CEP112: variants seen among roughly 807,000 people sequenced by gnomAD.
CEP112 encodes centrosomal protein 112, also known as centrosomal protein of 112 kDa.
In CEP112, 127 loss-of-function variants were observed where a neutral mutation model predicts 153.0. The ratio of observed to expected loss-of-function variants is 0.83; its 90% CI spans 0.72 to 0.96. The LOEUF is 0.96. Among genes scored for constraint, CEP112 ranks in the 40% least tolerant of loss-of-function variants. CEP112 has a pLI of 0.00. For synonymous variants in CEP112, 358 were observed against 374.4 expected (o/e 0.96, Z 0.51); for missense variants, 1,089 against 1,101.2 (o/e 0.99, Z 0.16).
intron 4 of CEP112, among the ~76,000 whole-genome samples, chr17:66,135,937 G>A (rs1031424545): frequency 3.9e-5 from 6 of 152,128 alleles, no homozygotes; most frequent in Non-Finnish European, 7.4e-5. Context: ...AGGGGGTGAC[G>A]TCAGATGTCA....
intron 8 of CEP112, among the ~76,000 whole-genome samples, chr17:66,085,019 A>G (rs2067864970): frequency 6.6e-6 from 1 of 152,220 alleles, no homozygotes; most frequent in Non-Finnish European, 1.5e-5. Flanking sequence ...AAAAAGTAGC[A>G]CAAATCAAAA....
chr17:65,784,867 T>C (rs568703176), intron 21 of CEP112, among the ~76,000 whole-genome samples: 1 of 152,306 alleles, frequency 6.6e-6, no homozygotes, highest in East Asian at 1.9e-4. Context: ...CAGTGGTTTT[T>C]AGTATATTCA....
intron 19 of CEP112, among the ~76,000 whole-genome samples, chr17:65,923,811 A>G (rs7220318): frequency 0.038 from 5,764 of 152,218 alleles, 327 homozygotes; most frequent in African/African-American, 0.12. Context: ...TTTGAGACAC[A>G]TATGTTTTAA....
chr17:66,146,116 T>C (rs1042010472), intron 4 of CEP112, among the ~76,000 whole-genome samples: 4 of 152,062 alleles, frequency 2.6e-5, no homozygotes, highest in African/African-American at 9.7e-5. Flanking sequence ...AGCAGAGTAA[T>C]ACTGACCTAA....
intron 6 of CEP112, among the ~76,000 whole-genome samples, chr17:66,113,774 T>A (rs193018000): frequency 7.5e-4 from 115 of 152,354 alleles, no homozygotes; most frequent in African/African-American, 2.7e-3. Flanking sequence ...ACACTGAGTT[T>A]GTCTCATAAC....
chr17:66,096,524 A>T, intron 7 of CEP112, 61 bp downstream of exon 7: 1 of 1,214,136 alleles, frequency 8.2e-7, no homozygotes, highest in Non-Finnish European at 1.2e-6. Context: ...TAAATAACTT[A>T]GTGATTATTT....
chr17:65,867,456 C>T (rs766284945), intron 20 of CEP112, among the ~76,000 whole-genome samples: 1 of 152,188 alleles, frequency 6.6e-6, no homozygotes, highest in Non-Finnish European at 1.5e-5. Flanking sequence ...ATACTCTAAT[C>T]TTACTTTGAA....
chr17:65,665,991 C>T (rs769250169), intron 24 of CEP112, among the ~76,000 whole-genome samples: 4 of 152,206 alleles, frequency 2.6e-5, no homozygotes, highest in Non-Finnish European at 5.9e-5. Flanking sequence ...TCTCCAAATA[C>T]CTTGCCTACC....
chr17:65,954,894 G>A (rs2061952627), intron 18 of CEP112, among the ~76,000 whole-genome samples: 1 of 152,142 alleles, frequency 6.6e-6, no homozygotes, highest in Admixed American at 6.5e-5. Context: ...AGAATAATTG[G>A]TGTTCCTGAG....
At chr17:65,797,546 T>A (rs1233668482) in intron 21 of CEP112, among the ~76,000 whole-genome samples, 1 of 152,250 alleles carries the variant, frequency 6.6e-6, no homozygotes, top group Non-Finnish European at 1.5e-5. Context: ...TTTTCCTTCA[T>A]CAAAATGTCT....
chr17:66,077,860 T>C (rs1282424718), intron 8 of CEP112, among the ~76,000 whole-genome samples: 4 of 152,218 alleles, frequency 2.6e-5, no homozygotes, highest in African/African-American at 9.7e-5. Context: ...TGACTGTTCC[T>C]TTTACCGTGC....
intron 9 of CEP112, among the ~76,000 whole-genome samples, chr17:66,068,776 C>A (rs1056543523): frequency 1.3e-5 from 2 of 152,036 alleles, no homozygotes; most frequent in African/African-American, 4.8e-5. Flanking sequence ...CAAATTCCAT[C>A]ACCGTAATTT....
chr17:65,970,246 C>A (rs1013386435), intron 17 of CEP112, among the ~76,000 whole-genome samples: 3 of 151,600 alleles, frequency 2.0e-5, no homozygotes, highest in Middle Eastern at 3.5e-3. Context: ...ATGTATATTA[C>A]ATGCATGTTG....
At chr17:66,139,984 A>G (rs1568538256) in intron 4 of CEP112, among the ~76,000 whole-genome samples, 1 of 149,886 alleles carries the variant, frequency 6.7e-6, no homozygotes, top group African/African-American at 2.5e-5. Flanking sequence ...AATAAAGGAA[A>G]ATTACAAGCC....
At chr17:66,169,768 C>T (rs1040017159) in intron 4 of CEP112, among the ~76,000 whole-genome samples, 10 of 152,090 alleles carry the variant, frequency 6.6e-5, no homozygotes, top group African/African-American at 2.4e-4. Context: ...GCATACTTTT[C>T]CAAAATGAGG....
At chr17:66,041,920 T>A (rs1171465547) in intron 12 of CEP112, among the ~76,000 whole-genome samples, 1 of 152,184 alleles carries the variant, frequency 6.6e-6, no homozygotes, top group Non-Finnish European at 1.5e-5. Context: ...AAACACGGGC[T>A]GCCAAACGGT....
At chr17:65,774,636 G>A (rs947518526) in intron 21 of CEP112, among the ~76,000 whole-genome samples, 1 of 152,186 alleles carries the variant, frequency 6.6e-6, no homozygotes, top group African/African-American at 2.4e-5. Flanking sequence ...CGATGTCTCC[G>A]TGGGTGCTGG....
chr17:66,099,554 CACAAAA>C (rs1302779794), intron 6 of CEP112, among the ~76,000 whole-genome samples: 2 of 149,834 alleles, frequency 1.3e-5, no homozygotes, highest in African/African-American at 4.9e-5. Flanking sequence ...GGCTGACAAC[CACAAAA>C]GGCACCATTT....
intron 6 of CEP112, among the ~76,000 whole-genome samples, chr17:66,111,349 T>C (rs541642200): frequency 6.6e-5 from 10 of 152,284 alleles, no homozygotes; most frequent in African/African-American, 2.4e-4. Context: ...AGCAACCCCA[T>C]TACTGCATAT....
Sources: allele counts gnomAD v4.1 joint callset (sites outside exome capture counted in the v4.1 genomes callset), GRCh38; gene constraint gnomAD v4.1.1; transcripts MANE v1.5; gene names NCBI Gene and HGNC (gene_info 2026-07-23, HGNC 2026-07-21).